TAF4: variants seen among roughly 807,000 people sequenced by gnomAD.
The protein encoded by TAF4 is TATA-box binding protein associated factor 4.
TAF4 carries 9 observed loss-of-function variants against 90.3 expected under a neutral mutation model. The observed-to-expected ratio is 0.10, with a 90% CI of 0.06 to 0.17. The LOEUF is 0.17. Ranked by LOEUF, TAF4 falls within the 10% of genes least tolerant of loss-of-function variation. TAF4 has a pLI of 1.00. For synonymous variants in TAF4, 818 were observed against 638.9 expected, an observed-to-expected ratio of 1.28 and a Z score of -4.23; for missense variants, 1,351 against 1,370.7, an observed-to-expected ratio of 0.99 and a Z score of 0.23.
At chr20:62,049,660 CCACCGTG>C (rs2056015159) in intron 1 of TAF4, among the ~76,000 whole-genome samples, 1 of 50,526 alleles carries the variant, frequency 2.0e-5, no homozygotes, top group South Asian at 4.7e-4. Flanking sequence ...TGCCCCTCAT[CCACCGTG>C]CACCCCAGCC....
chr20:61,988,262 C>A (rs2055607501), intron 14 of TAF4, among the ~76,000 whole-genome samples: 1 of 90,804 alleles, frequency 1.1e-5, no homozygotes, highest in South Asian at 3.3e-4. Flanking sequence ...AAACGCACCA[C>A]CCGGCCAAGC....
In TAF4 at chr20:61,976,740, A is replaced by C. The variant is rs1600820748; in HGVS notation, c.3091-405T>G. On this transcript the variant is annotated intron_variant, in intron 14 of 14. Transcript: ENST00000252996. The stretch of plus-strand genomic sequence containing the variant: ...AAGCCACACTAGGTCTGTGTGTGTC[A>C]TCCCCGCTTGGCTGCTGAATTCCTG... Among the ~76,000 whole-genome samples the C allele has an allele frequency of 2.0e-5, 3 of 152,232 alleles. No individual in the cohort carries two copies. The East Asian group carries it at 5.8e-4, about 29-fold the overall frequency.
In TAF4 at chr20:61,983,469, T is replaced by A. The variant is rs530862081; in HGVS notation, c.3091-7134A>T. 2.0e-5 allele frequency among the ~76,000 whole-genome samples: 3 copies of A among 152,260 alleles called. No individual in the cohort carries two copies. The East Asian group carries it at 5.8e-4, about 29-fold the overall frequency. Reference sequence around the variant, plus strand: ...TGAGGCTGGGAGTTTAAGACCAGCCTGGGCAACATAACGAGACCCCATTCC... The same window carrying A: ...TGAGGCTGGGAGTTTAAGACCAGCCAGGGCAACATAACGAGACCCCATTCC... On this transcript the variant is annotated intron_variant, in intron 14 of 14. Coordinates refer to ENST00000252996, the MANE Select transcript of TAF4 (RefSeq NM_003185.4).
chr20:62,002,153 T>C (rs1046902799), intron 9 of TAF4, among the ~76,000 whole-genome samples: 6 of 152,172 alleles, frequency 3.9e-5, no homozygotes, highest in African/African-American at 1.2e-4. Context: ...ATTAATTCTT[T>C]CACCCGTGTA....
rs759136073 is a variant in TAF4, at chr20:62,006,462, G to A, written c.2223+48C>T. 4.4e-6 allele frequency: 6 copies of A among 1,372,440 alleles called. No homozygotes were observed. In the African/African-American group the frequency reaches 7.5e-5, roughly 17 times the overall value. 85.0% of individuals were successfully genotyped at this position (1,372,440 alleles called of 1,614,324 possible). A position where few individuals can be genotyped will look rare whatever the true frequency, so the allele number is the denominator to read the frequency against. ...CAATTTATCTAAGAAGCGGGCGGGA[G>A]CAGAGGCACGGTGGGCTGTGCAGAC... On this transcript the variant is annotated intron_variant, in intron 7 of 14. Transcript: ENST00000252996. This position sits in a 1 kb window ranked among gnomAD's most constrained non-coding sequence, Gnocchi z 7.0.
At chr20:62,022,861 GCCC>G (rs5842371) in intron 1 of TAF4, among the ~76,000 whole-genome samples, 3 of 148,330 alleles carry the variant, frequency 2.0e-5, no homozygotes, top group African/African-American at 7.4e-5. Context: ...AGCACTTGCA[GCCC>G]CCCCCCCGCA....
chr20:62,020,605 CCCCTCCA>C lies in TAF4; in HGVS notation c.1361-5905_1361-5899del, dbSNP rs139797000. On this transcript the variant is annotated intron_variant, in intron 1 of 14. Coordinates refer to ENST00000252996, the MANE Select transcript of TAF4 (RefSeq NM_003185.4). ...CCGTCATGTCGCAGCTCAATACCAGCCCCTCCACCAGATGGGCAAACAGCCAGGGACC... is the reference window on the plus strand; with the variant it reads ...CCGTCATGTCGCAGCTCAATACCAGCCCAGATGGGCAAACAGCCAGGGACC... Among the ~76,000 whole-genome samples the C allele has an allele frequency of 6.6e-3, 1,010 of 152,356 alleles. 4 individuals carry two copies. The highest frequency in any genetic ancestry group is 8.4e-3 in the Non-Finnish European group (572 of 68,030).
chr20:62,014,019 GGTGTGTGTGTGT>G (rs56759835), intron 2 of TAF4, among the ~76,000 whole-genome samples: 9 of 126,450 alleles, frequency 7.1e-5, no homozygotes, highest in African/African-American at 1.5e-4. Flanking sequence ...CGGGGGTGTG[GGTGTGTGTGTGT>G]GTGTGTGTGT....
rs759142369 is a variant in TAF4 at position 61,997,563 on chromosome 20, C to G, written c.3077G>C (p.Gly1026Ala). The change falls in exon 14 of 15, where the codon GGC becomes GCC. Residue 1026 changes from glycine (G) to alanine (A), a missense_variant. By Grantham distance (60) the Gly-to-Ala change is moderately conservative (BLOSUM62 0). Transcript: ENST00000252996. ...KKRKVDCPGP[G>A]SGAEGSGPGS... ...ACACTGCCGTACCTCTGCTCCTGAG[C>G]CCGGCCCCGGACAGTCCACTTTCCT... The G allele has an allele frequency of 1.2e-5, 19 of 1,599,058 alleles. No individual in the cohort carries two copies. Among genetic ancestry groups the G allele is most frequent in the Non-Finnish European group, 1.6e-5 (19 of 1,173,846 alleles).
intron 1 of TAF4, among the ~76,000 whole-genome samples, chr20:62,045,486 G>T (rs1485223247): frequency 6.6e-6 from 1 of 152,258 alleles, no homozygotes; most frequent in Non-Finnish European, 1.5e-5. Context: ...GGATGAACCA[G>T]CGATGCTGCC....
chr20:62,004,252 AGAGG>A (rs2055728438), intron 7 of TAF4, among the ~76,000 whole-genome samples: 1 of 151,994 alleles, frequency 6.6e-6, no homozygotes, highest in East Asian at 1.9e-4. Context: ...AAATATTAGC[AGAGG>A]TGACATTGTT....
At position 61,976,314 on chromosome 20, in the gene TAF4, C is replaced by T; in HGVS notation, c.3112G>A (p.Val1038Ile). 6.2e-7 allele frequency: 1 copy of T among 1,613,626 alleles called. No homozygotes were observed. The highest frequency in any genetic ancestry group is 8.5e-7 in the Non-Finnish European group (1 of 1,180,014). ...GAEGSGPGSVVPGSSGVGTPR... is the reference protein window; with the variant it reads ...GAEGSGPGSVIPGSSGVGTPR... ...GTTCCGACACCCGAGCTGCCTGGGACCACTGAGCCGGGGCCCGACCCCTGG... is the reference window on the plus strand; with the variant it reads ...GTTCCGACACCCGAGCTGCCTGGGATCACTGAGCCGGGGCCCGACCCCTGG... The change falls in exon 15 of 15, where the codon GTC becomes ATC. Residue 1038 changes from valine (V) to isoleucine (I), a missense_variant. Coordinates refer to ENST00000252996, the MANE Select transcript of TAF4 (RefSeq NM_003185.4).
At chr20:62,040,523 C>T (rs1034383641) in intron 1 of TAF4, among the ~76,000 whole-genome samples, 1 of 152,248 alleles carries the variant, frequency 6.6e-6, no homozygotes, top group African/African-American at 2.4e-5. Flanking sequence ...ATCCTGTACT[C>T]GACGGTGGTG....
chr20:62,062,544 G>A (rs745365222), intron 1 of TAF4, among the ~76,000 whole-genome samples: 3 of 152,086 alleles, frequency 2.0e-5, no homozygotes, highest in Non-Finnish European at 2.9e-5. Context: ...TGAAAGCACC[G>A]CTCTCAGCAC....
At chr20:62,052,695 C>A (rs2056036248) in intron 1 of TAF4, among the ~76,000 whole-genome samples, 2 of 151,366 alleles carry the variant, frequency 1.3e-5, no homozygotes, top group African/African-American at 2.4e-5. Flanking sequence ...GGCTCACGCT[C>A]CAGGTGCCTC....
chr20:62,014,588 T>A lies in TAF4; in HGVS notation c.1480A>T (p.Thr494Ser), dbSNP rs2123151015. 1.2e-6 allele frequency: 2 copies of A among 1,612,726 alleles called. No individual in the cohort carries two copies. Among genetic ancestry groups the A allele is most frequent in the Non-Finnish European group, 1.7e-6 (2 of 1,179,480 alleles). Residue 494 changes from threonine to serine, a missense_variant, in exon 2 of 15, where the codon ACC becomes TCC. Thr to Ser is a moderately conservative substitution (Grantham distance 58, BLOSUM62 1). Coordinates refer to ENST00000252996, the MANE Select transcript of TAF4 (RefSeq NM_003185.4). ...TGGACGGGAGGGGCACTTGTGGGGG[T>A]GGCAGGGCGAGGCGCCATGGTGGTC... Reference protein sequence around the residue: ...PQTTMAPRPATPTSAPPVQIS... With the variant: ...PQTTMAPRPASPTSAPPVQIS...
At position 62,064,722 on chromosome 20, in the gene TAF4, G is replaced by A; in HGVS notation, c.1089C>T (p.Ala363=). 2.4e-6 allele frequency: 3 copies of A among 1,224,962 alleles called. No homozygotes were observed. Among genetic ancestry groups the A allele is most frequent in the Non-Finnish European group, 3.0e-6 (3 of 985,282 alleles). 75.9% of individuals were successfully genotyped at this position (1,224,962 alleles called of 1,614,324 possible). ...TGGCCGCCGTGCTGGCCGGGCCGCT[G>A]GCCGCCAGGGTCTGCGCCGCCGGGG... ...AAPPAAQTLA[A]SGPASTAASM... The change falls in exon 1 of 15, where the codon GCC becomes GCT. Residue 363 remains alanine, a synonymous_variant. Transcript: ENST00000252996.
At chr20:62,032,094 T>G (rs1244239673) in intron 1 of TAF4, among the ~76,000 whole-genome samples, 1 of 152,230 alleles carries the variant, frequency 6.6e-6, no homozygotes, top group Non-Finnish European at 1.5e-5. Context: ...GGAGTCTCCA[T>G]GTTAAGACTT....
At chr20:62,049,549 C>T (rs572321075) in intron 1 of TAF4, among the ~76,000 whole-genome samples, 22 of 151,692 alleles carry the variant, frequency 1.5e-4, no homozygotes, top group Admixed American at 3.3e-4. Context: ...AGGCCCTGCT[C>T]TCCACATCGT....
Sources: gnomAD v4.1 joint callset for allele counts (sites outside exome capture counted in the v4.1 genomes callset) on GRCh38, gnomAD v4.1.1 for gene constraint, Gnocchi (gnomAD v3.1) non-coding constraint, MANE v1.5 for transcripts, NCBI Gene and HGNC (gene_info 2026-07-23, HGNC 2026-07-21) for gene names.